ROR2: variants seen among roughly 807,000 people sequenced by gnomAD.
The protein encoded by ROR2 is tyrosine-protein kinase transmembrane receptor ROR2.
ROR2 carries 33 observed loss-of-function variants against 74.9 expected under a neutral mutation model. The observed-to-expected ratio is 0.44, with a 90% CI of 0.33 to 0.59. ROR2 has a LOEUF of 0.59. Ranked by LOEUF, ROR2 falls within the 20% of genes least tolerant of loss-of-function variation. ROR2 has a pLI of 0.02. For missense variants in ROR2, 1,216 were observed against 1,313.8 expected, an observed-to-expected ratio of 0.93 and a Z score of 1.15; for synonymous variants, 586 against 558.7, an observed-to-expected ratio of 1.05 and a Z score of -0.69.
intron 1 of ROR2, among the ~76,000 whole-genome samples, chr9:91,846,545 G>T (rs1272946174): frequency 6.6e-6 from 1 of 152,032 alleles, no homozygotes; most frequent in Non-Finnish European, 1.5e-5. Context: ...GCTTTGTCAG[G>T]GCATCTGGAG....
At chr9:91,937,427 G>GC (rs1295677839) in intron 1 of ROR2, among the ~76,000 whole-genome samples, 2 of 151,876 alleles carry the variant, frequency 1.3e-5, no homozygotes, top group Admixed American at 6.6e-5. Flanking sequence ...CTCACAGGAC[G>GC]CCCCCCAGAC....
Position 91,724,569 on chromosome 9 carries a change from G to A in ROR2, c.1925C>T (p.Ala642Val), listed in dbSNP as rs772085485. The change falls in exon 9 of 9, where the codon GCC becomes GTC. Residue 642 changes from alanine to valine, a missense_variant. Coordinates refer to ENST00000375708, the MANE Select transcript of ROR2 (RefSeq NM_004560.4). ...SDLGLFREVY[A>V]ADYYKLLGNS... ...CCCCAGCAGCTTGTAGTAATCGGCGGCATACACCTCTCGGAAGAGGCCCAA... is the reference window on the plus strand; with the variant it reads ...CCCCAGCAGCTTGTAGTAATCGGCGACATACACCTCTCGGAAGAGGCCCAA... 5.6e-6 allele frequency: 9 copies of A among 1,614,074 alleles called. No individual in the cohort carries two copies. The highest frequency in any genetic ancestry group is 5.9e-6 in the Non-Finnish European group (7 of 1,180,052).
intron 1 of ROR2, among the ~76,000 whole-genome samples, chr9:91,779,484 C>T (rs1826541207): frequency 1.3e-5 from 2 of 151,604 alleles, no homozygotes; most frequent in Non-Finnish European, 2.9e-5. Flanking sequence ...GATTCTCCTG[C>T]CTCCGCCTCC....
chr9:91,846,852 G>A (rs1828949411), intron 1 of ROR2, among the ~76,000 whole-genome samples: 2 of 152,194 alleles, frequency 1.3e-5, no homozygotes, highest in East Asian at 1.9e-4. Context: ...TGCCTTCTAG[G>A]GCAGATGGGG....
intron 1 of ROR2, among the ~76,000 whole-genome samples, chr9:91,803,421 A>G (rs1170114145): frequency 6.6e-6 from 1 of 152,242 alleles, no homozygotes; most frequent in Non-Finnish European, 1.5e-5. Flanking sequence ...GGAGTTGTTT[A>G]ATGTTTCTGC....
intron 1 of ROR2, among the ~76,000 whole-genome samples, chr9:91,920,687 G>A (rs540367453): frequency 2.0e-5 from 3 of 152,294 alleles, no homozygotes; most frequent in African/African-American, 7.2e-5. Context: ...CAAAGCAAAT[G>A]AAGATGTCTG....
chr9:91,743,766 T>C (rs1168176707), intron 4 of ROR2, among the ~76,000 whole-genome samples: 1 of 152,178 alleles, frequency 6.6e-6, no homozygotes, highest in African/African-American at 2.4e-5. Context: ...CTGGGGTTAA[T>C]TTAATGCCAC....
chr9:91,723,609 C>T lies in ROR2; in HGVS notation c.*53G>A. 6.2e-7 allele frequency: 1 copy of T among 1,602,760 alleles called. No individual in the cohort carries two copies. The highest frequency in any genetic ancestry group is 8.5e-7 in the Non-Finnish European group (1 of 1,176,262). On this transcript the variant is annotated 3_prime_UTR_variant, in exon 9 of 9. Coordinates refer to ENST00000375708, the MANE Select transcript of ROR2 (RefSeq NM_004560.4). Reference sequence around the variant, plus strand: ...TGTCTTCTCAAAGGTGACTGAGGTCCCTGTGGGGTCTCGGCGGGGCTTCTA... The same window carrying T: ...TGTCTTCTCAAAGGTGACTGAGGTCTCTGTGGGGTCTCGGCGGGGCTTCTA...
chr9:91,902,383 C>CT (rs892809299), intron 1 of ROR2, among the ~76,000 whole-genome samples: 11 of 152,084 alleles, frequency 7.2e-5, no homozygotes, highest in Non-Finnish European at 1.6e-4. Context: ...ATCCCAGGCC[C>CT]TCCATCACCT....
At chr9:91,786,208 A>T (rs9409658) in intron 1 of ROR2, among the ~76,000 whole-genome samples, 82,503 of 146,088 alleles carry the variant, frequency 0.56, 25,415 homozygotes, top group Non-Finnish European at 0.67. Flanking sequence ...GCATTTGTGA[A>T]CCCTGACACT....
At chr9:91,860,215 T>C (rs963278047) in intron 1 of ROR2, among the ~76,000 whole-genome samples, 1 of 152,100 alleles carries the variant, frequency 6.6e-6, no homozygotes, top group Non-Finnish European at 1.5e-5. Context: ...GGGGTTCCCT[T>C]GAGAGCAGGC....
chr9:91,917,016 A>G (rs1831153912), intron 1 of ROR2, among the ~76,000 whole-genome samples: 1 of 152,122 alleles, frequency 6.6e-6, no homozygotes, highest in African/African-American at 2.4e-5. Flanking sequence ...CAGCTCCAAA[A>G]TTAATTCCCC....
intron 1 of ROR2, among the ~76,000 whole-genome samples, chr9:91,924,259 G>A (rs147749631): frequency 6.6e-5 from 10 of 152,368 alleles, no homozygotes; most frequent in Non-Finnish European, 1.3e-4. Context: ...CAGGCATCCT[G>A]TGGTCACGCT....
intron 1 of ROR2, among the ~76,000 whole-genome samples, chr9:91,938,652 A>T (rs899848429): frequency 2.6e-5 from 4 of 152,166 alleles, no homozygotes; most frequent in African/African-American, 9.7e-5. Context: ...TATTCTAGAG[A>T]TTGGTATCTC....
Position 91,724,377 on chromosome 9 carries a change from C to T in ROR2, c.2117G>A (p.Arg706Gln), listed in dbSNP as rs369717474. 1.0e-4 allele frequency: 164 copies of T among 1,614,016 alleles called. No homozygotes were observed. In the East Asian group the frequency reaches 2.4e-3, roughly 24 times the overall value. ...GGGGCAAGGCAGCACCTGCCGGTTCCGGATCATCTCCACCACATCCTGGTT... is the reference window on the plus strand; with the variant it reads ...GGGGCAAGGCAGCACCTGCCGGTTCTGGATCATCTCCACCACATCCTGGTT... ...YSNQDVVEMI[R>Q]NRQVLPCPDD... Residue 706 changes from arginine (R) to glutamine (Q), a missense_variant, in exon 9 of 9, where the codon CGG becomes CAG. Physicochemically the swap from Arg to Gln is conservative, Grantham distance 43. Transcript: ENST00000375708.
At chr9:91,937,730 CTTTT>C (rs1049914539) in intron 1 of ROR2, among the ~76,000 whole-genome samples, 18 of 152,128 alleles carry the variant, frequency 1.2e-4, no homozygotes, top group African/African-American at 4.1e-4. Context: ...TTTTTATCTT[CTTTT>C]GAGACTGAGT....
intron 1 of ROR2, among the ~76,000 whole-genome samples, chr9:91,948,131 T>A (rs1383570432): frequency 6.6e-6 from 1 of 152,210 alleles, no homozygotes; most frequent in Non-Finnish European, 1.5e-5. Context: ...ACTTTCCTGT[T>A]ACAACCACCT....
chr9:91,778,383 C>T (rs1209117403), intron 1 of ROR2, among the ~76,000 whole-genome samples: 2 of 152,194 alleles, frequency 1.3e-5, no homozygotes, highest in Non-Finnish European at 2.9e-5. Context: ...CACGGTCGTG[C>T]GCCCTGCAAC....
At chr9:91,888,268 A>G (rs1587823297) in intron 1 of ROR2, among the ~76,000 whole-genome samples, 3 of 152,266 alleles carry the variant, frequency 2.0e-5, no homozygotes, top group South Asian at 4.1e-4. Flanking sequence ...CTGCCTGTTT[A>G]TATTTTTGAG....
Sources: gnomAD v4.1 joint callset for allele counts (sites outside exome capture counted in the v4.1 genomes callset) on GRCh38, gnomAD v4.1.1 for gene constraint, MANE v1.5 for transcripts, NCBI Gene and HGNC (gene_info 2026-07-23, HGNC 2026-07-21) for gene names.